The following ARHGAP12 variants were observed in gnomAD, a reference collection of about 807,000 sequenced individuals.
ARHGAP12 encodes the protein rho GTPase-activating protein 12.
Under a neutral mutation model 108.6 loss-of-function variants are expected in ARHGAP12, and 64 were observed. The observed-to-expected ratio is 0.59, with a 90% CI of 0.48 to 0.73. The LOEUF is 0.73. Among genes scored for constraint, ARHGAP12 ranks in the 30% least tolerant of loss-of-function variants. The pLI is 0.00. For synonymous variants in ARHGAP12, 312 were observed against 337.2 expected (o/e 0.93, Z 0.82); for missense variants, 940 against 1,005.9 (o/e 0.93, Z 0.89).
At position 31,908,801 on chromosome 10, in the gene ARHGAP12, C is replaced by T; in HGVS notation, c.55G>A (p.Val19Met). Residue 19 changes from valine to methionine, a missense_variant, in exon 3 of 20, where the codon GTG becomes ATG. Physicochemically the swap from Val to Met is conservative, Grantham distance 21. Transcript: ENST00000344936. The part of the protein sequence containing the change: ...KIIPGQVYIE[V>M]EYDYEYEAKD... ...GCTTCATATTCATAATCATATTCCACCTCAATATACACTTGTCCTGGAATA... is the reference window on the plus strand; with the variant it reads ...GCTTCATATTCATAATCATATTCCATCTCAATATACACTTGTCCTGGAATA... 1 of 1,608,552 alleles carries T rather than the reference C, an allele frequency of 6.2e-7. No individual in the cohort carries two copies. Among genetic ancestry groups the T allele is most frequent in the Admixed American group, 1.7e-5 (1 of 59,984 alleles).
intron 3 of ARHGAP12, among the ~76,000 whole-genome samples, chr10:31,865,412 G>A (rs1362886413): frequency 6.6e-6 from 1 of 152,070 alleles, no homozygotes; most frequent in African/African-American, 2.4e-5. Context: ...GTTTTACCGT[G>A]TGTGTAGTTT....
chr10:31,832,917 A>T (rs1477643824), intron 9 of ARHGAP12, among the ~76,000 whole-genome samples: 2 of 152,182 alleles, frequency 1.3e-5, no homozygotes, highest in Non-Finnish European at 2.9e-5. Flanking sequence ...GAAATAGCCC[A>T]TATGAAGTTT....
chr10:31,923,141 A>AAAAG (rs1839890913), intron 1 of ARHGAP12, among the ~76,000 whole-genome samples: 1 of 151,628 alleles, frequency 6.6e-6, no homozygotes, highest in South Asian at 2.1e-4. Flanking sequence ...GGAAAAAAAA[A>AAAAG]AAAAAAAAAA....
intron 3 of ARHGAP12, among the ~76,000 whole-genome samples, chr10:31,890,918 G>A (rs1311505885): frequency 2.6e-5 from 4 of 151,998 alleles, no homozygotes; most frequent in African/African-American, 9.7e-5. Context: ...ATTCCCTATA[G>A]TGAAACTGCA....
intron 1 of ARHGAP12, among the ~76,000 whole-genome samples, chr10:31,921,823 A>G (rs1319160679): frequency 1.3e-5 from 2 of 150,402 alleles, no homozygotes; most frequent in East Asian, 1.9e-4. Flanking sequence ...AAAAGATGAG[A>G]GCAGAAAGCA....
chr10:31,851,809 G>A (rs1836691867), intron 6 of ARHGAP12, among the ~76,000 whole-genome samples: 1 of 152,068 alleles, frequency 6.6e-6, no homozygotes, highest in Non-Finnish European at 1.5e-5. Context: ...TTGGGGAAAA[G>A]ACAAATTTTA....
chr10:31,847,590 T>G (rs1836510292), intron 6 of ARHGAP12, among the ~76,000 whole-genome samples: 1 of 152,144 alleles, frequency 6.6e-6, no homozygotes, highest in Non-Finnish European at 1.5e-5. Flanking sequence ...TAGAAATCCC[T>G]TTCTCTGGTT....
Position 31,856,195 on chromosome 10 carries a change from T to C in ARHGAP12, c.949-1989A>G, listed in dbSNP as rs1836880266. ...ATAAAATTTTTTTTAAAATAATCTATGAACAAAAGGTTAATTAAGAAATCC... is the reference window on the plus strand; with the variant it reads ...ATAAAATTTTTTTTAAAATAATCTACGAACAAAAGGTTAATTAAGAAATCC... On this transcript the variant is annotated intron_variant, in intron 4 of 19. Transcript: ENST00000344936. 2.0e-5 allele frequency among the ~76,000 whole-genome samples: 3 copies of C among 151,944 alleles called. No homozygotes were observed. In the South Asian group the frequency reaches 6.2e-4, roughly 31 times the overall value.
intron 11 of ARHGAP12, among the ~76,000 whole-genome samples, chr10:31,826,077 G>A: frequency 6.6e-6 from 1 of 152,130 alleles, no homozygotes; most frequent in Admixed American, 6.5e-5. Flanking sequence ...TCAGTTGAAT[G>A]GATAAAACAG....
chr10:31,919,684 A>T (rs11818749), intron 1 of ARHGAP12, among the ~76,000 whole-genome samples: 30,198 of 151,690 alleles, frequency 0.2, 3,334 homozygotes, highest in East Asian at 0.39. Flanking sequence ...CCAGCTACTC[A>T]GGAGGCTGAG....
intron 1 of ARHGAP12, among the ~76,000 whole-genome samples, chr10:31,912,271 G>A (rs903558420): frequency 6.6e-6 from 1 of 152,154 alleles, no homozygotes; most frequent in African/African-American, 2.4e-5. Flanking sequence ...GGAATATGCA[G>A]CTACTTTTCA....
chr10:31,925,955 T>C (rs1240168251), intron 1 of ARHGAP12, among the ~76,000 whole-genome samples: 1 of 152,254 alleles, frequency 6.6e-6, no homozygotes, highest in Non-Finnish European at 1.5e-5. Context: ...TATATTCATT[T>C]ATTTCACTTT....
chr10:31,838,143 T>C (rs1836096613), intron 9 of ARHGAP12, among the ~76,000 whole-genome samples: 1 of 152,154 alleles, frequency 6.6e-6, no homozygotes, highest in South Asian at 2.1e-4. Flanking sequence ...AACTAAGCCC[T>C]GATGAATGAA....
chr10:31,871,277 G>C (rs1353012790), intron 3 of ARHGAP12, among the ~76,000 whole-genome samples: 2 of 152,162 alleles, frequency 1.3e-5, no homozygotes, highest in Non-Finnish European at 2.9e-5. Context: ...ATAACTAAGT[G>C]AATTCGTTAT....
chr10:31,868,546 C>T (rs1837418642), intron 3 of ARHGAP12, among the ~76,000 whole-genome samples: 1 of 152,062 alleles, frequency 6.6e-6, no homozygotes. Context: ...AATGGGTCAT[C>T]AGAATCATCT....
At chr10:31,914,518 A>G (rs1373917643) in intron 1 of ARHGAP12, among the ~76,000 whole-genome samples, 1 of 152,202 alleles carries the variant, frequency 6.6e-6, no homozygotes, top group Non-Finnish European at 1.5e-5. Context: ...AAGAAGACAC[A>G]CAAAAAGCCA....
chr10:31,822,315 A>T (rs1835445509), intron 11 of ARHGAP12, among the ~76,000 whole-genome samples: 1 of 152,218 alleles, frequency 6.6e-6, no homozygotes, highest in African/African-American at 2.4e-5. Flanking sequence ...GTTTCCAAGA[A>T]GAAAGCAGCG....
chr10:31,811,405 A>G (rs1246273742), intron 15 of ARHGAP12, among the ~76,000 whole-genome samples: 7 of 152,332 alleles, frequency 4.6e-5, no homozygotes, highest in Admixed American at 3.3e-4. Context: ...TTGAAATTCC[A>G]TATTAGTGGT....
At chr10:31,875,873 C>T (rs886081661) in intron 3 of ARHGAP12, among the ~76,000 whole-genome samples, 4 of 152,172 alleles carry the variant, frequency 2.6e-5, no homozygotes, top group African/African-American at 4.8e-5. Context: ...CTGGCAACCA[C>T]CATTCTACTT....
Sources: allele counts gnomAD v4.1 joint callset (sites outside exome capture counted in the v4.1 genomes callset), GRCh38; gene constraint gnomAD v4.1.1; transcripts MANE v1.5; gene names NCBI Gene and HGNC (gene_info 2026-07-23, HGNC 2026-07-21).